The following DPYD variants were observed in gnomAD, a reference collection of about 807,000 sequenced individuals.
DPYD encodes dihydropyrimidine dehydrogenase.
A neutral mutation model predicts 116.2 loss-of-function variants in DPYD; 109 were observed. The ratio of observed to expected loss-of-function variants is 0.94; its 90% confidence interval spans 0.80 to 1.10. The LOEUF (loss-of-function observed/expected upper bound fraction) is 1.10, where lower values mean the gene tolerates loss of function less well. DPYD is among the 50% of genes least tolerant of loss of function. The pLI, the probability that DPYD is intolerant of heterozygous loss-of-function variation, is 0.00. For missense variants in DPYD, 1,302 were observed against 1,254.5 expected, an observed-to-expected ratio of 1.04 and a Z score of -0.57; for synonymous variants, 440 against 432.0, an observed-to-expected ratio of 1.02 and a Z score of -0.23.
chr1:97,482,978 G>T (rs1472894787), intron 13 of DPYD, among the ~76,000 whole-genome samples: 2 of 152,006 alleles, frequency 1.3e-5, no homozygotes, highest in African/African-American at 4.8e-5. Context: ...CTCATTTCTT[G>T]TACCGCTCTC....
intron 1 of DPYD, among the ~76,000 whole-genome samples, chr1:97,919,122 G>C (rs191111609): frequency 6.6e-6 from 1 of 152,220 alleles, no homozygotes; most frequent in Non-Finnish European, 1.5e-5. Context: ...GCTCTTTCAT[G>C]GTATTCTAGC....
At chr1:97,415,563 C>T (rs542618613) in intron 14 of DPYD, among the ~76,000 whole-genome samples, 22 of 152,306 alleles carry the variant, frequency 1.4e-4, no homozygotes, top group African/African-American at 4.6e-4. Flanking sequence ...CCCAAGTGAT[C>T]TGCTCACCTT....
chr1:97,693,385 T>C (rs1157014096), intron 6 of DPYD, among the ~76,000 whole-genome samples: 5 of 150,292 alleles, frequency 3.3e-5, no homozygotes, highest in Admixed American at 3.3e-4. Context: ...AGCTTCCCTC[T>C]AGTTAGGAAT....
chr1:97,571,785 C>T (rs1401782526), intron 11 of DPYD, among the ~76,000 whole-genome samples: 1 of 151,878 alleles, frequency 6.6e-6, no homozygotes, highest in African/African-American at 2.4e-5. Context: ...GTGCACATGA[C>T]AGTTTTCTGA....
At chr1:97,677,731 A>G (rs1172339253) in intron 8 of DPYD, among the ~76,000 whole-genome samples, 1 of 152,150 alleles carries the variant, frequency 6.6e-6, no homozygotes, top group Non-Finnish European at 1.5e-5. Context: ...GAGCTAGAAG[A>G]CAGTGTAAAT....
intron 2 of DPYD, among the ~76,000 whole-genome samples, chr1:97,832,259 C>T (rs1669577089): frequency 6.6e-6 from 1 of 152,048 alleles, no homozygotes; most frequent in African/African-American, 2.4e-5. Context: ...ATACAGCTAG[C>T]AAGGGATAAA....
intron 1 of DPYD, among the ~76,000 whole-genome samples, chr1:97,901,644 G>GA (rs1220796563): frequency 6.6e-6 from 1 of 151,666 alleles, no homozygotes. Context: ...AACTGGCTTA[G>GA]AAAAAAATAT....
chr1:97,728,684 T>C (rs908712906), intron 4 of DPYD, among the ~76,000 whole-genome samples: 3 of 152,220 alleles, frequency 2.0e-5, no homozygotes, highest in South Asian at 4.1e-4. Context: ...TTCAAGAAGT[T>C]TGCATGTGTG....
intron 8 of DPYD, among the ~76,000 whole-genome samples, chr1:97,641,594 G>A (rs1369264745): frequency 3.9e-5 from 6 of 152,170 alleles, no homozygotes; most frequent in East Asian, 1.9e-4. Flanking sequence ...TTGATGGAAC[G>A]TATCTCAAAA....
intron 18 of DPYD, among the ~76,000 whole-genome samples, chr1:97,296,764 A>C (rs370178020): frequency 6.6e-6 from 1 of 152,142 alleles, no homozygotes; most frequent in Non-Finnish European, 1.5e-5. Context: ...AAAAAACATA[A>C]AAATAGGATA....
intron 15 of DPYD, among the ~76,000 whole-genome samples, chr1:97,374,363 G>T (rs1250029001): frequency 1.3e-5 from 2 of 152,062 alleles, no homozygotes; most frequent in Non-Finnish European, 1.5e-5. Context: ...GGAATACTTT[G>T]AGAATCTTAG....
chr1:97,676,878 A>G (rs1444196202), intron 8 of DPYD, among the ~76,000 whole-genome samples: 2 of 152,212 alleles, frequency 1.3e-5, no homozygotes, highest in African/African-American at 4.8e-5. Context: ...GAAATAGAGC[A>G]TAACTGCATT....
chr1:97,715,058 T>G (rs1176986549), intron 5 of DPYD, among the ~76,000 whole-genome samples: 1 of 152,168 alleles, frequency 6.6e-6, no homozygotes, highest in African/African-American at 2.4e-5. Context: ...AATCAAGCTC[T>G]AAATAAAGTA....
At chr1:97,426,944 C>G (rs1674900923) in intron 14 of DPYD, among the ~76,000 whole-genome samples, 1 of 151,960 alleles carries the variant, frequency 6.6e-6, no homozygotes, top group Non-Finnish European at 1.5e-5. Flanking sequence ...ACTAGAATTT[C>G]ATTTTATCTG....
intron 5 of DPYD, among the ~76,000 whole-genome samples, chr1:97,714,708 T>C (rs1445481138): frequency 6.9e-6 from 1 of 145,612 alleles, no homozygotes; most frequent in Non-Finnish European, 1.5e-5. Flanking sequence ...TTACCCAACC[T>C]ATTTCAATGT....
At chr1:97,185,138 C>T (rs1272990448) in intron 20 of DPYD, among the ~76,000 whole-genome samples, 1 of 151,656 alleles carries the variant, frequency 6.6e-6, no homozygotes, top group East Asian at 1.9e-4. Flanking sequence ...ATTAAGAACT[C>T]CAAGAAATCA....
At chr1:97,695,463 G>A (rs1164411545) in intron 6 of DPYD, among the ~76,000 whole-genome samples, 2 of 149,314 alleles carry the variant, frequency 1.3e-5, no homozygotes, top group East Asian at 4.0e-4. Context: ...TCTATATTTG[G>A]TTTATTGTTC....
intron 3 of DPYD, among the ~76,000 whole-genome samples, chr1:97,801,677 G>T (rs1667852872): frequency 6.6e-6 from 1 of 151,860 alleles, no homozygotes; most frequent in Non-Finnish European, 1.5e-5. Context: ...CTGGGGGCAT[G>T]CAAATATCTG....
At chr1:97,592,407 C>T (rs1466105170) in intron 10 of DPYD, among the ~76,000 whole-genome samples, 1 of 152,164 alleles carries the variant, frequency 6.6e-6, no homozygotes. Context: ...CTCTCTGTCA[C>T]CCAGGCTGGA....
Sources: allele counts gnomAD v4.1 joint callset (sites outside exome capture counted in the v4.1 genomes callset), GRCh38; gene constraint gnomAD v4.1.1; transcripts MANE v1.5; gene names NCBI Gene and HGNC (gene_info 2026-07-23, HGNC 2026-07-21).